Variants in KCNIP4 observed in about 807,000 individuals in gnomAD.
KCNIP4 encodes potassium voltage-gated channel interacting protein 4, also known as Kv channel-interacting protein 4.
In KCNIP4, 12 loss-of-function variants were observed where a neutral mutation model predicts 34.0. The observed-to-expected ratio is 0.35, with a 90% CI of 0.23 to 0.57. The LOEUF (loss-of-function observed/expected upper bound fraction) is 0.57. Among genes scored for constraint, KCNIP4 ranks in the 20% least tolerant of loss-of-function variants. KCNIP4 has a pLI of 0.83. For missense variants in KCNIP4, 238 were observed against 311.7 expected, an observed-to-expected ratio of 0.76 and a Z score of 1.78; for synonymous variants, 124 against 102.2, an observed-to-expected ratio of 1.21 and a Z score of -1.29.
At chr4:21,123,084 G>A (rs1750305658) in intron 1 of KCNIP4, among the ~76,000 whole-genome samples, 1 of 152,012 alleles carries the variant, frequency 6.6e-6, no homozygotes, top group South Asian at 2.1e-4. Flanking sequence ...CTTGGTGGCG[G>A]GCGCCTGTAG....
intron 1 of KCNIP4, among the ~76,000 whole-genome samples, chr4:21,002,055 A>G (rs1203319974): frequency 6.6e-6 from 1 of 152,236 alleles, no homozygotes; most frequent in African/African-American, 2.4e-5. Flanking sequence ...AGACTTAACA[A>G]GTCAACTTTG....
At chr4:21,885,388 T>C (rs1726706185) in intron 1 of KCNIP4, among the ~76,000 whole-genome samples, 1 of 152,170 alleles carries the variant, frequency 6.6e-6, no homozygotes, top group South Asian at 2.1e-4. Flanking sequence ...ATGAGTAGTA[T>C]TTTGCTTCAT....
chr4:20,770,806 A>C (rs1182697381), intron 3 of KCNIP4, among the ~76,000 whole-genome samples: 1 of 151,982 alleles, frequency 6.6e-6, no homozygotes, highest in Non-Finnish European at 1.5e-5. Flanking sequence ...ATGGTGGTGC[A>C]TGCCTGTAGT....
intron 1 of KCNIP4, among the ~76,000 whole-genome samples, chr4:21,238,039 G>T (rs1759505843): frequency 6.6e-6 from 1 of 152,160 alleles, no homozygotes; most frequent in Non-Finnish European, 1.5e-5. Flanking sequence ...CCATGATCAA[G>T]TGGGCTTCAT....
intron 3 of KCNIP4, among the ~76,000 whole-genome samples, chr4:20,770,463 A>G (rs1046994938): frequency 7.3e-6 from 1 of 137,368 alleles, no homozygotes; most frequent in Non-Finnish European, 1.6e-5. Flanking sequence ...TATCAGCCTA[A>G]TAATATTGAC....
At chr4:20,975,229 T>A (rs1307700231) in intron 1 of KCNIP4, among the ~76,000 whole-genome samples, 1 of 152,230 alleles carries the variant, frequency 6.6e-6, no homozygotes, top group Non-Finnish European at 1.5e-5. Context: ...TGATTTTATT[T>A]TATTTTTTAA....
At chr4:21,452,108 A>G (rs1728559101) in intron 1 of KCNIP4, among the ~76,000 whole-genome samples, 1 of 152,082 alleles carries the variant, frequency 6.6e-6, no homozygotes, top group Non-Finnish European at 1.5e-5. Flanking sequence ...CTTAACCCAC[A>G]GGGACGTAGG....
chr4:21,097,257 T>C (rs1747544528), intron 1 of KCNIP4, among the ~76,000 whole-genome samples: 1 of 152,104 alleles, frequency 6.6e-6, no homozygotes, highest in Admixed American at 6.5e-5. Flanking sequence ...AGAACATTAC[T>C]CGGCAGTTAT....
chr4:21,103,336 TATATAATATAC>T (rs1234320378), intron 1 of KCNIP4, among the ~76,000 whole-genome samples: 3 of 146,710 alleles, frequency 2.0e-5, no homozygotes, highest in African/African-American at 7.4e-5. Flanking sequence ...ATATATATAA[TATATAATATAC>T]ATATAATATA....
intron 1 of KCNIP4, among the ~76,000 whole-genome samples, chr4:21,362,742 G>A (rs1719357043): frequency 6.6e-6 from 1 of 152,098 alleles, no homozygotes; most frequent in South Asian, 2.1e-4. Context: ...CATCCTCACT[G>A]CATGTGAAAT....
At chr4:20,864,096 A>G (rs886319135) in intron 2 of KCNIP4, among the ~76,000 whole-genome samples, 4 of 149,246 alleles carry the variant, frequency 2.7e-5, no homozygotes, top group Non-Finnish European at 4.5e-5. Context: ...ATATGCATGT[A>G]TACGTATGTA....
chr4:21,254,700 G>C (rs1760942929), intron 1 of KCNIP4, among the ~76,000 whole-genome samples: 1 of 152,060 alleles, frequency 6.6e-6, no homozygotes, highest in South Asian at 2.1e-4. Context: ...AATGACAGCA[G>C]TCTTCATTTA....
At chr4:20,786,988 G>T (rs1218031906) in intron 3 of KCNIP4, among the ~76,000 whole-genome samples, 1 of 152,102 alleles carries the variant, frequency 6.6e-6, no homozygotes, top group Non-Finnish European at 1.5e-5. Context: ...AAGCTGTAAG[G>T]TGCTCTATCT....
intron 1 of KCNIP4, among the ~76,000 whole-genome samples, chr4:21,553,404 C>G (rs547637321): frequency 6.6e-6 from 1 of 152,218 alleles, no homozygotes; most frequent in Admixed American, 6.5e-5. Context: ...ATCTTACACT[C>G]CCGATGGAGG....
At chr4:21,233,143 C>G (rs1346730342) in intron 1 of KCNIP4, among the ~76,000 whole-genome samples, 2 of 152,024 alleles carry the variant, frequency 1.3e-5, no homozygotes, top group African/African-American at 4.8e-5. Flanking sequence ...GCCTGAAATG[C>G]AAAGAACAGA....
intron 1 of KCNIP4, among the ~76,000 whole-genome samples, chr4:21,799,049 A>C (rs1173615743): frequency 2.0e-5 from 3 of 152,040 alleles, no homozygotes; most frequent in Non-Finnish European, 2.9e-5. Flanking sequence ...TGAAAAAAAA[A>C]CCTCTATAAT....
At chr4:21,394,278 G>C (rs1252968342) in intron 1 of KCNIP4, among the ~76,000 whole-genome samples, 1 of 152,138 alleles carries the variant, frequency 6.6e-6, no homozygotes, top group South Asian at 2.1e-4. Context: ...AGAGGCCACA[G>C]TATCTACTAT....
Position 20,728,890 on chromosome 4 carries a change from A to T in KCNIP4, c.*1192T>A, listed in dbSNP as rs1000620499. The stretch of plus-strand genomic sequence containing the variant: ...AGGGACGATGTGTGTGGCTTTAGTA[A>T]TGTGGCAACTTTACAGTTTTGGCTA... On this transcript the variant is annotated 3_prime_UTR_variant, in exon 9 of 9. Coordinates refer to ENST00000382152, the MANE Select transcript of KCNIP4 (RefSeq NM_025221.6). 3 of 151,818 alleles carry T rather than the reference A, an allele frequency of 2.0e-5. No individual in the cohort carries two copies. Among genetic ancestry groups the T allele is most frequent in the Non-Finnish European group, 4.4e-5 (3 of 67,976 alleles). 9.4% of individuals were successfully genotyped at this position (151,818 alleles called of 1,614,324 possible).
chr4:21,456,325 C>T lies in KCNIP4; in HGVS notation c.61+492246G>A, dbSNP rs1297988759. On this transcript the variant is annotated intron_variant, in intron 1 of 8. Transcript: ENST00000382152. ...TCGGATCAAGATTTGCGTACATATC[C>T]TACCAGTCTAAGCACGTTTGAATGA... Among the ~76,000 whole-genome samples, 3 of 147,496 alleles carry T rather than the reference C, an allele frequency of 2.0e-5. 1 individual carries two copies. The highest frequency in any genetic ancestry group is 7.9e-5 in the African/African-American group (3 of 37,740).
Sources: allele counts gnomAD v4.1 joint callset (sites outside exome capture counted in the v4.1 genomes callset), GRCh38; gene constraint gnomAD v4.1.1; transcripts MANE v1.5; gene names NCBI Gene and HGNC (gene_info 2026-07-23, HGNC 2026-07-21).